Variants in HEXB observed in about 807,000 individuals in gnomAD.
HEXB encodes the protein beta-hexosaminidase subunit beta.
In HEXB, 51 loss-of-function variants were observed where a neutral mutation model predicts 71.2. The ratio of observed to expected loss-of-function variants is 0.72; its 90% confidence interval spans 0.57 to 0.90. The LOEUF is 0.90. Among genes scored for constraint, HEXB ranks in the 40% least tolerant of loss-of-function variants. HEXB has a pLI of 0.00. For missense variants in HEXB, 617 were observed against 677.0 expected (o/e 0.91, Z 0.98); for synonymous variants, 266 against 249.3 (o/e 1.07, Z -0.63).
At position 74,671,907 on chromosome 5, in the gene HEXB, A is replaced by C. The variant is rs377205533; in HGVS notation, c.-376-17421A>C. Among the ~76,000 whole-genome samples, 3 of 152,222 alleles carry C rather than the reference A, an allele frequency of 2.0e-5. No homozygotes were observed. In the South Asian group the frequency reaches 6.2e-4, roughly 32 times the overall value. ...TCTGCAATGGGAGGACTCCTTGGTG[A>C]ATGCTAGGAAAGTATTCTCCTCACA... On this transcript the variant is annotated intron_variant, in intron 1 of 13. Coordinates refer to the HEXB transcript ENST00000511181.
chr5:74,671,497 A>G (rs541585123), intron 1 of HEXB, among the ~76,000 whole-genome samples: 1 of 152,104 alleles, frequency 6.6e-6, no homozygotes, highest in East Asian at 1.9e-4. Flanking sequence ...GCAGATCAGT[A>G]CTTGTCTGGA....
At chr5:74,661,161 C>A (rs745595113) in intron 1 of HEXB, among the ~76,000 whole-genome samples, 1 of 152,184 alleles carries the variant, frequency 6.6e-6, no homozygotes, top group East Asian at 1.9e-4. Context: ...GATGACAAGC[C>A]CAGAGCTATA....
intron 1 of HEXB, among the ~76,000 whole-genome samples, chr5:74,686,404 A>C (rs987211121): frequency 1.2e-4 from 18 of 152,190 alleles, no homozygotes; most frequent in Non-Finnish European, 1.3e-4. Context: ...GCCCTGCAGA[A>C]TTGTAATTTG....
intron 1 of HEXB, among the ~76,000 whole-genome samples, chr5:74,669,286 C>T (rs890600408): frequency 1.3e-5 from 2 of 151,856 alleles, no homozygotes; most frequent in Non-Finnish European, 2.9e-5. Context: ...TTTCGACATA[C>T]AAAATTTAAT....
chr5:74,657,806 C>T (rs1748248731), intron 1 of HEXB, among the ~76,000 whole-genome samples: 1 of 152,206 alleles, frequency 6.6e-6, no homozygotes, highest in Admixed American at 6.5e-5. Flanking sequence ...GGCCTCTGTG[C>T]CTCACATGTC....
At chr5:74,702,717 G>A (rs1204370110) in intron 5 of HEXB, among the ~76,000 whole-genome samples, 2 of 152,128 alleles carry the variant, frequency 1.3e-5, no homozygotes, top group South Asian at 2.1e-4. Context: ...TTCATCCAGC[G>A]TTCACTCACT....
chr5:74,683,460 C>T (rs538999680), upstream of HEXB, among the ~76,000 whole-genome samples: 5 of 152,138 alleles, frequency 3.3e-5, no homozygotes, highest in South Asian at 4.2e-4. Flanking sequence ...TGTGCCAGCA[C>T]ATCCAGCTAA....
chr5:74,658,690 A>AG (rs1748265229), intron 1 of HEXB, among the ~76,000 whole-genome samples: 1 of 152,198 alleles, frequency 6.6e-6, no homozygotes. Context: ...AATGTGTCCT[A>AG]GGAATGACAG....
intron 1 of HEXB, among the ~76,000 whole-genome samples, chr5:74,668,952 A>G (rs1561207480): frequency 6.6e-6 from 1 of 151,932 alleles, no homozygotes; most frequent in Admixed American, 6.6e-5. Flanking sequence ...TTGTGCGGGC[A>G]TTTTTTTCTT....
At chr5:74,707,944 A>G (rs1283443390) in intron 6 of HEXB, among the ~76,000 whole-genome samples, 5 of 152,204 alleles carry the variant, frequency 3.3e-5, no homozygotes, top group African/African-American at 1.2e-4. Context: ...AGAGAATGCC[A>G]CAAACATACT....
chr5:74,720,532 C>CTGA lies in HEXB; in HGVS notation c.1508+16_1508+18dup, dbSNP rs1561229093. On this transcript the variant is annotated intron_variant, in intron 12 of 13. Transcript: ENST00000261416. ...TCCAAGATTATGGTATGGGATTTAC[C>CTGA]TGATAACATTTAAGAATTAAGGTGC... is the stretch of plus-strand genomic sequence containing the variant. 6.2e-7 allele frequency: 1 copy of CTGA among 1,600,926 alleles called. No homozygotes were observed. The highest frequency in any genetic ancestry group is 2.2e-5 in the East Asian group (1 of 44,810).
chr5:74,692,334 C>CAAAAAA (rs916578254), intron 2 of HEXB, among the ~76,000 whole-genome samples: 1 of 52,366 alleles, frequency 1.9e-5, no homozygotes. Flanking sequence ...CCTGTCTCTA[C>CAAAAAA]AAAAAAAAAA....
chr5:74,697,543 T>C (rs1201970717), intron 5 of HEXB, among the ~76,000 whole-genome samples: 1 of 152,114 alleles, frequency 6.6e-6, no homozygotes, highest in Non-Finnish European at 1.5e-5. Context: ...CTGGCCAACA[T>C]GGCCAAACCC....
intron 3 of HEXB, among the ~76,000 whole-genome samples, chr5:74,696,487 G>A (rs1050659160): frequency 6.6e-6 from 1 of 152,062 alleles, no homozygotes; most frequent in South Asian, 2.1e-4. Flanking sequence ...GTAGAGAAGT[G>A]CAATGGATTT....
At chr5:74,646,862 C>T (rs971830642) in intron 1 of HEXB, among the ~76,000 whole-genome samples, 66 of 152,232 alleles carry the variant, frequency 4.3e-4, no homozygotes, top group African/African-American at 1.4e-3. Context: ...CCACCACGCC[C>T]GGCAACAATT....
upstream of HEXB, among the ~76,000 whole-genome samples, chr5:74,683,821 CTTT>C (rs35751282): frequency 9.6e-5 from 13 of 135,774 alleles, no homozygotes; most frequent in African/African-American, 8.5e-5. Context: ...TCTTTTCTTT[CTTT>C]TTTTTTTTTT....
intron 1 of HEXB, among the ~76,000 whole-genome samples, chr5:74,665,432 G>T (rs1748415518): frequency 6.6e-6 from 1 of 152,228 alleles, no homozygotes; most frequent in Admixed American, 6.5e-5. Context: ...GTGTGTGTGT[G>T]TGTGTAGGAG....
chr5:74,711,670 AAC>A (rs1441772401), intron 6 of HEXB, among the ~76,000 whole-genome samples: 1 of 151,974 alleles, frequency 6.6e-6, no homozygotes, highest in Non-Finnish European at 1.5e-5. Flanking sequence ...GCAGACAAAA[AAC>A]ACATGAAAAA....
chr5:74,706,351 G>C (rs555089509), intron 6 of HEXB, among the ~76,000 whole-genome samples: 1 of 152,358 alleles, frequency 6.6e-6, no homozygotes, highest in East Asian at 1.9e-4. Context: ...CCCGTCTACA[G>C]CTCCCAGCAT....
Sources: gnomAD v4.1 joint callset for allele counts (sites outside exome capture counted in the v4.1 genomes callset) on GRCh38, gnomAD v4.1.1 for gene constraint, MANE v1.5 for transcripts, NCBI Gene and HGNC (gene_info 2026-07-23, HGNC 2026-07-21) for gene names.